The following FRMPD2 variants were observed in gnomAD, a reference collection of about 807,000 sequenced individuals.
FRMPD2 encodes FERM and PDZ domain-containing protein 2.
In FRMPD2, 96 loss-of-function variants were observed where a neutral mutation model predicts 140.1. The ratio of observed to expected loss-of-function variants is 0.69; its 90% CI spans 0.58 to 0.81. The LOEUF (loss-of-function observed/expected upper bound fraction) is 0.81, where lower values mean the gene tolerates loss of function less well. Ranked by LOEUF, FRMPD2 falls within the 40% of genes least tolerant of loss-of-function variation. FRMPD2 has a pLI of 0.00. For synonymous variants in FRMPD2, 449 were observed against 547.6 expected (o/e 0.82, Z 2.52); for missense variants, 1,240 against 1,447.4 (o/e 0.86, Z 2.32).
intron 1 of FRMPD2, among the ~76,000 whole-genome samples, chr10:48,252,164 C>T (rs1017160044): frequency 3.9e-5 from 6 of 152,068 alleles, no homozygotes; most frequent in Admixed American, 2.0e-4. Context: ...GATTTGGTGC[C>T]AGTACCACCC....
At chr10:48,197,068 C>T (rs1192791053) in intron 15 of FRMPD2, among the ~76,000 whole-genome samples, 4 of 152,210 alleles carry the variant, frequency 2.6e-5, no homozygotes, top group African/African-American at 7.2e-5. Context: ...AACCACCAGC[C>T]TGTGGTTTCA....
At chr10:48,260,217 GTATAGATAGA>G (rs1412898879) in intron 1 of FRMPD2, among the ~76,000 whole-genome samples, 2 of 151,986 alleles carry the variant, frequency 1.3e-5, no homozygotes, top group Non-Finnish European at 2.9e-5. Flanking sequence ...ATACATATAT[GTATAGATAGA>G]TATAGATAGA....
chr10:48,186,218 G>A (rs1295821924), intron 17 of FRMPD2, among the ~76,000 whole-genome samples: 1 of 152,190 alleles, frequency 6.6e-6, no homozygotes, highest in Admixed American at 6.5e-5. Flanking sequence ...ACTTCAGTGT[G>A]TGCCACAGTG....
chr10:48,195,576 A>C (rs1838932710), intron 15 of FRMPD2, among the ~76,000 whole-genome samples: 1 of 152,234 alleles, frequency 6.6e-6, no homozygotes. Context: ...TTGGGAAAAC[A>C]GCAGTAGTCT....
In FRMPD2 at chr10:48,263,968, AG is replaced by A. The variant is rs151241400; in HGVS notation, c.25+10574del. Among the ~76,000 whole-genome samples, 300 of 152,270 alleles carry A rather than the reference AG, an allele frequency of 2.0e-3. 4 individuals are homozygous for A. The East Asian group carries it at 0.037, about 19-fold the overall frequency. On this transcript the variant is annotated intron_variant, in intron 1 of 28. Transcript: ENST00000374201. ...ACCATGACCAAGTGAAATTTAATTC[AG>A]GTATGCAAGGCTGGTGTGAAAATTT...
At chr10:48,212,373 T>A (rs978297307) in intron 12 of FRMPD2, among the ~76,000 whole-genome samples, 5 of 152,200 alleles carry the variant, frequency 3.3e-5, no homozygotes, top group Non-Finnish European at 7.3e-5. Flanking sequence ...AAGGCTTTTC[T>A]GATTCTCACA....
chr10:48,261,353 A>C (rs1210733176), intron 1 of FRMPD2, among the ~76,000 whole-genome samples: 1 of 152,148 alleles, frequency 6.6e-6, no homozygotes, highest in Non-Finnish European at 1.5e-5. Context: ...AAAAGTTAAA[A>C]AAGCAAAAAT....
In FRMPD2 at chr10:48,240,437, A is replaced by G. The variant is rs756158389; in HGVS notation, c.623T>C (p.Leu208Pro). The G allele has an allele frequency of 6.2e-7, 1 of 1,613,800 alleles. No homozygotes were observed. The highest frequency in any genetic ancestry group is 1.1e-5 in the South Asian group (1 of 91,084). Residue 208 changes from leucine to proline, a missense_variant, in exon 6 of 29, where the codon CTG becomes CCG. By Grantham distance (98) the Leu-to-Pro change is moderately conservative. This residue lies in a region of FRMPD2 where 1,161 missense variants were observed against 1,055.9 expected (regional missense o/e 1.10). Coordinates refer to ENST00000374201, the MANE Select transcript of FRMPD2 (RefSeq NM_001018071.4). ...TGTCCCACGCAGCCTCTTCCTGAGC[A>G]GGTAGCTTCTGTTCTGCTGCACAGA... ...SSSVQQNRSY[L>P]LRKRLRGTSS...
rs1414896319 is a variant in FRMPD2 at position 48,206,881 on chromosome 10, T to C, written c.1664A>G (p.Glu555Gly). 6.2e-7 allele frequency: 1 copy of C among 1,614,106 alleles called. No individual in the cohort carries two copies. Among genetic ancestry groups the C allele is most frequent in the Admixed American group, 1.7e-5 (1 of 60,014 alleles). Residue 555 changes from glutamate (E) to glycine (G), a missense_variant, in exon 14 of 29, where the codon GAG becomes GGG. Physicochemically the swap from Glu to Gly is moderately conservative, Grantham distance 98. This residue lies in a region of FRMPD2 where 1,161 missense variants were observed against 1,055.9 expected (regional missense o/e 1.10). Transcript: ENST00000374201. The part of the protein sequence containing the change: ...YGVLVHQVFS[E>G]KRRPEEEMAL... ...CATCTCCTCTTCTGGCCTCCTCTTC[T>C]CTGAGAATACTTGGTGAACCAGCAC...
intron 15 of FRMPD2, among the ~76,000 whole-genome samples, chr10:48,194,750 G>A (rs2131851564): frequency 6.6e-6 from 1 of 152,246 alleles, no homozygotes; most frequent in Admixed American, 6.5e-5. Flanking sequence ...CAAGCACTCA[G>A]CATCAGGGAC....
intron 1 of FRMPD2, among the ~76,000 whole-genome samples, chr10:48,259,183 T>G (rs1442520572): frequency 1.3e-5 from 2 of 152,210 alleles, no homozygotes; most frequent in Non-Finnish European, 2.9e-5. Flanking sequence ...CAATTATACT[T>G]GATGATAATT....
At chr10:48,184,277 T>C (rs1433634797) in intron 20 of FRMPD2, among the ~76,000 whole-genome samples, 2 of 151,968 alleles carry the variant, frequency 1.3e-5, no homozygotes. Flanking sequence ...CTCCCTGCCA[T>C]GCAAGGAGAG....
In FRMPD2 at chr10:48,192,829, T is replaced by A; in HGVS notation, c.2020A>T (p.Ile674Phe). 6.2e-7 allele frequency: 1 copy of A among 1,613,672 alleles called. No homozygotes were observed. Among genetic ancestry groups the A allele is most frequent in the Non-Finnish European group, 8.5e-7 (1 of 1,179,592 alleles). ...GAGCATGACAATCTCTGAATCCAAA[T>A]GAGAGGCTTAGACCGGGCCTGGTGT... The part of the protein sequence containing the change: ...PAHQARSKPL[I>F]WIQRLSCSEN... The change falls in exon 16 of 29, where the codon ATT becomes TTT. Residue 674 changes from isoleucine (I) to phenylalanine (F), a missense_variant. Transcript: ENST00000374201.
At position 48,223,167 on chromosome 10, in the gene FRMPD2, G is replaced by A; in HGVS notation, c.1272C>T (p.Leu424=). Reference sequence around the variant, plus strand: ...TGACAAAGAACTTTATCCTCAGGAAGAGTGTGAAGGTATTCATGGAGGTCT... The same window carrying A: ...TGACAAAGAACTTTATCCTCAGGAAAAGTGTGAAGGTATTCATGGAGGTCT... ...PQKTSMNTFT[L]FLRIKFFVSH... is the part of the protein sequence containing the mutation. The change falls in exon 11 of 29, where the codon CTC becomes CTT. Residue 424 remains leucine (L), a synonymous_variant. Transcript: ENST00000374201. 1 of 1,614,046 alleles carries A rather than the reference G, an allele frequency of 6.2e-7. No individual in the cohort carries two copies. Among genetic ancestry groups the A allele is most frequent in the East Asian group, 2.2e-5 (1 of 44,888 alleles).
chr10:48,262,254 G>A (rs1022223375), intron 1 of FRMPD2, among the ~76,000 whole-genome samples: 2 of 151,888 alleles, frequency 1.3e-5, no homozygotes, highest in Non-Finnish European at 2.9e-5. Context: ...AAAAGTAAAG[G>A]GAAGAATAAA....
intron 2 of FRMPD2, among the ~76,000 whole-genome samples, chr10:48,250,161 C>T (rs150616998): frequency 1.4e-3 from 214 of 152,308 alleles, no homozygotes; most frequent in Non-Finnish European, 2.3e-3. Flanking sequence ...CCTAAAGGGT[C>T]GCCCCAACCC....
intron 13 of FRMPD2, 124 bp from the exon 14 acceptor site, chr10:48,207,057 T>A: frequency 1.2e-6 from 1 of 857,798 alleles, no homozygotes; most frequent in Non-Finnish European, 1.7e-6. Context: ...AGAATTGTCA[T>A]GTAAGTTTAG....
At position 48,212,073 on chromosome 10, in the gene FRMPD2, A is replaced by T. The variant is rs1441749864; in HGVS notation, c.1492T>A (p.Tyr498Asn). 4 of 1,614,056 alleles carry T rather than the reference A, an allele frequency of 2.5e-6. No individual in the cohort carries two copies. Among genetic ancestry groups the T allele is most frequent in the Non-Finnish European group, 3.4e-6 (4 of 1,179,968 alleles). Reference protein sequence around the residue: ...ESKPYFHVEDYIPASLIERMT... With the variant: ...ESKPYFHVEDNIPASLIERMT... ...CTCTCGATCAGACTCGCTGGGATGT[A>T]ATCTTCAACGTGAAAGTATGGCTTA... The change falls in exon 13 of 29, where the codon TAC (tyrosine) becomes AAC (asparagine). Residue 498 changes from tyrosine to asparagine, a missense_variant. Transcript: ENST00000374201.
chr10:48,170,529 C>T (rs1481817030), intron 26 of FRMPD2, among the ~76,000 whole-genome samples: 3 of 151,800 alleles, frequency 2.0e-5, no homozygotes, highest in African/African-American at 7.3e-5. Context: ...CCATTTTCTT[C>T]CAGGACTCTG....
Sources: allele counts gnomAD v4.1 joint callset (sites outside exome capture counted in the v4.1 genomes callset), GRCh38; gene constraint gnomAD v4.1.1; regional missense constraint gnomAD v4.1.1; transcripts MANE v1.5; gene names NCBI Gene and HGNC (gene_info 2026-07-23, HGNC 2026-07-21).